ZDHHC14: variants seen among roughly 807,000 people sequenced by gnomAD.
ZDHHC14 encodes palmitoyltransferase ZDHHC14.
Under a neutral mutation model 47.7 loss-of-function variants are expected in ZDHHC14, and 16 were observed. That is an observed-to-expected ratio of 0.34 (90% confidence interval 0.23 to 0.51). The LOEUF (loss-of-function observed/expected upper bound fraction) is 0.51. Ranked by LOEUF, ZDHHC14 falls within the 20% of genes least tolerant of loss-of-function variation. The pLI, the probability that ZDHHC14 is intolerant of heterozygous loss-of-function variation, is 0.97. For missense variants in ZDHHC14, 515 were observed against 662.5 expected (o/e 0.78, Z 2.44); for synonymous variants, 293 against 278.9 (o/e 1.05, Z -0.50).
At position 157,675,177 on chromosome 6, in the gene ZDHHC14, T is replaced by C. The variant is rs1372321418; in HGVS notation, c.*2055T>C. The C allele has an allele frequency of 6.6e-6, 1 of 152,242 alleles. No homozygotes were observed. Among genetic ancestry groups the C allele is most frequent in the East Asian group, 1.9e-4 (1 of 5,204 alleles). 9.4% of individuals were successfully genotyped at this position (152,242 alleles called of 1,614,324 possible). A position where few individuals can be genotyped will look rare whatever the true frequency, so the allele number is the denominator to read the frequency against. ...CTCCATGGGTGACCGCGAATCCGGC[T>C]TAGCCCTCACTCCGGTCCCACGTGT... is the stretch of plus-strand genomic sequence containing the variant. On this transcript the variant is annotated 3_prime_UTR_variant, in exon 9 of 9. Coordinates refer to ENST00000359775, the MANE Select transcript of ZDHHC14 (RefSeq NM_024630.3).
intron 1 of ZDHHC14, among the ~76,000 whole-genome samples, chr6:157,457,440 A>C (rs1778947550): frequency 6.6e-6 from 1 of 152,200 alleles, no homozygotes; most frequent in Non-Finnish European, 1.5e-5. Context: ...AGAATTCTGG[A>C]GAACTATCCT....
chr6:157,535,740 G>A (rs1174818994), intron 1 of ZDHHC14, among the ~76,000 whole-genome samples: 1 of 152,122 alleles, frequency 6.6e-6, no homozygotes, highest in African/African-American at 2.4e-5. Flanking sequence ...TGTCACTCTT[G>A]GGAGTTTTAT....
At chr6:157,384,605 A>T (rs1050868957) in intron 1 of ZDHHC14, among the ~76,000 whole-genome samples, 6 of 152,234 alleles carry the variant, frequency 3.9e-5, no homozygotes, top group Non-Finnish European at 8.8e-5. Flanking sequence ...TTTCAAGAAA[A>T]CAAGAGGCCC....
chr6:157,546,985 C>A (rs1404509226), intron 2 of ZDHHC14, among the ~76,000 whole-genome samples: 1 of 152,204 alleles, frequency 6.6e-6, no homozygotes, highest in Non-Finnish European at 1.5e-5. Flanking sequence ...TTCCAAGCCA[C>A]AGTAACCCAG....
chr6:157,608,677 G>C (rs913542347), intron 3 of ZDHHC14, among the ~76,000 whole-genome samples: 1 of 152,220 alleles, frequency 6.6e-6, no homozygotes, highest in Admixed American at 6.5e-5. Context: ...AGGCCAGGGG[G>C]TAGGCAGGCA....
chr6:157,443,333 A>T (rs1233993510), intron 1 of ZDHHC14, among the ~76,000 whole-genome samples: 1 of 152,142 alleles, frequency 6.6e-6, no homozygotes, highest in African/African-American at 2.4e-5. Flanking sequence ...CCAGTCTCGG[A>T]TATTTCTTTA....
chr6:157,445,164 T>TATC (rs113595524), intron 1 of ZDHHC14, among the ~76,000 whole-genome samples: 1,481 of 142,728 alleles, frequency 0.01, 18 homozygotes, highest in African/African-American at 0.03. Context: ...TCTATCTATC[T>TATC]ATCATCATCA....
intron 2 of ZDHHC14, among the ~76,000 whole-genome samples, chr6:157,578,899 C>T (rs1783406665): frequency 6.6e-6 from 1 of 152,134 alleles, no homozygotes; most frequent in Non-Finnish European, 1.5e-5. Context: ...GTTATTTCTT[C>T]CTAGCAGTGT....
intron 1 of ZDHHC14, among the ~76,000 whole-genome samples, chr6:157,420,717 G>C (rs1478285115): frequency 6.6e-6 from 1 of 152,188 alleles, no homozygotes; most frequent in African/African-American, 2.4e-5. Flanking sequence ...GTCAGAACTT[G>C]GTCACATTTC....
chr6:157,484,969 G>C (rs925968980), intron 1 of ZDHHC14, among the ~76,000 whole-genome samples: 2 of 152,074 alleles, frequency 1.3e-5, no homozygotes. Flanking sequence ...GTGATGGCAC[G>C]TGCCTATAGT....
chr6:157,541,178 A>G (rs1421990560), intron 1 of ZDHHC14, among the ~76,000 whole-genome samples: 1 of 152,066 alleles, frequency 6.6e-6, no homozygotes, highest in Non-Finnish European at 1.5e-5. Flanking sequence ...TTATTCCTAA[A>G]TACTTCGCTG....
chr6:157,394,190 C>T (rs1317992804), intron 1 of ZDHHC14, among the ~76,000 whole-genome samples: 1 of 152,208 alleles, frequency 6.6e-6, no homozygotes, highest in Non-Finnish European at 1.5e-5. Flanking sequence ...GGCTGTACGC[C>T]TCCTTTCCTT....
chr6:157,484,372 A>G (rs972994585), intron 1 of ZDHHC14, among the ~76,000 whole-genome samples: 1 of 146,396 alleles, frequency 6.8e-6, no homozygotes, highest in Non-Finnish European at 1.5e-5. Flanking sequence ...ATATACGTAT[A>G]TATACACACA....
intron 1 of ZDHHC14, among the ~76,000 whole-genome samples, chr6:157,484,293 G>A (rs551065279): frequency 7.2e-6 from 1 of 139,162 alleles, no homozygotes; most frequent in African/African-American, 2.7e-5. Context: ...ATATATATGT[G>A]TATATATATA....
intron 1 of ZDHHC14, among the ~76,000 whole-genome samples, chr6:157,497,876 A>C (rs185040491): frequency 5.3e-5 from 8 of 152,318 alleles, no homozygotes; most frequent in Admixed American, 3.9e-4. Flanking sequence ...AGTAATTACC[A>C]TGGGGCCAGC....
chr6:157,456,582 A>G (rs1562432657), intron 1 of ZDHHC14, among the ~76,000 whole-genome samples: 1 of 152,192 alleles, frequency 6.6e-6, no homozygotes, highest in East Asian at 1.9e-4. Flanking sequence ...AAGACAAAGC[A>G]CCACCATGTT....
intron 2 of ZDHHC14, among the ~76,000 whole-genome samples, chr6:157,572,623 T>C (rs1050193452): frequency 2.7e-5 from 4 of 149,924 alleles, no homozygotes; most frequent in Non-Finnish European, 4.4e-5. Context: ...TAGGTATATC[T>C]CCTAATGCTA....
intron 1 of ZDHHC14, among the ~76,000 whole-genome samples, chr6:157,521,492 T>C (rs34092718): frequency 0.58 from 87,629 of 152,018 alleles, 25,745 homozygotes; most frequent in African/African-American, 0.69. Context: ...ATCAAGGAGC[T>C]GGCAGATTTG....
chr6:157,627,102 C>G, intron 3 of ZDHHC14, among the ~76,000 whole-genome samples: 1 of 152,162 alleles, frequency 6.6e-6, no homozygotes, highest in East Asian at 1.9e-4. Context: ...TCTTGCACTT[C>G]CTCTGCCGCC....
Sources: gnomAD v4.1 joint callset for allele counts (sites outside exome capture counted in the v4.1 genomes callset) on GRCh38, gnomAD v4.1.1 for gene constraint, MANE v1.5 for transcripts, NCBI Gene and HGNC (gene_info 2026-07-23, HGNC 2026-07-21) for gene names.